XPO5: variants seen among roughly 807,000 people sequenced by gnomAD.
The protein encoded by XPO5 is exportin-5.
A neutral mutation model predicts 160.6 loss-of-function variants in XPO5; 46 were observed. That is an observed-to-expected ratio of 0.29 (90% CI 0.23 to 0.37). XPO5 has a LOEUF of 0.37. XPO5 is among the 10% of genes least tolerant of loss of function. The probability of loss-of-function intolerance (pLI) is 1.00; values close to 1 mark genes in which losing one functional copy is unlikely to be tolerated. For missense variants in XPO5, 1,090 were observed against 1,463.9 expected (o/e 0.74, Z 4.17); for synonymous variants, 537 against 519.3 (o/e 1.03, Z -0.46).
Position 43,533,958 on chromosome 6 carries a change from G to A in XPO5, c.2392C>T (p.Pro798Ser). The change falls in exon 21 of 32, where the codon CCT becomes TCT. Residue 798 changes from proline to serine, a missense_variant. By Grantham distance (74) the Pro-to-Ser change is moderately conservative. This residue lies in a region of XPO5 where 810 missense variants were observed against 1,139.0 expected (regional missense o/e 0.71). Transcript: ENST00000265351. ...APEMLAKMAE[P>S]FTKALDMLDA... ...AGCATATCCAGAGCCTTGGTGAAAG[G>A]CTCTGCCATTTTGGCTAGCATTTCT... The A allele has an allele frequency of 5.6e-6, 9 of 1,607,384 alleles. No homozygotes were observed. Among genetic ancestry groups the A allele is most frequent in the Non-Finnish European group, 7.7e-6 (9 of 1,175,908 alleles).
Position 43,560,268 on chromosome 6 carries a change from G to C in XPO5, c.1131C>G (p.Ala377=), listed in dbSNP as rs1762349190. The change falls in exon 11 of 32, where the codon GCC becomes GCG. Residue 377 remains alanine (A), a synonymous_variant. Coordinates refer to ENST00000265351, the MANE Select transcript of XPO5 (RefSeq NM_020750.3). ...GGGACAGGATTTCATGCCTGAAGAG[G>C]GCTCCCCAAGTCATCTGAGTTGAAG... ...LRSSTQMTWG[A]LFRHEILSRD... 6.2e-7 allele frequency: 1 copy of C among 1,611,670 alleles called. No individual in the cohort carries two copies. Among genetic ancestry groups the C allele is most frequent in the Non-Finnish European group, 8.5e-7 (1 of 1,178,940 alleles).
chr6:43,531,333 T>C (rs1018002615), intron 22 of XPO5, 146 bp downstream of exon 22: 17 of 723,112 alleles, frequency 2.4e-5, no homozygotes, highest in Non-Finnish European at 3.6e-5. Flanking sequence ...CAGGCTTTCA[T>C]TTCTATTTAA....
chr6:43,556,092 T>C, intron 12 of XPO5, 128 bp from the exon 13 acceptor site: 1 of 1,257,062 alleles, frequency 8.0e-7, no homozygotes, highest in Non-Finnish European at 1.1e-6. Flanking sequence ...ACTTGTGCTT[T>C]GCATGTAATA....
chr6:43,560,897 T>C, intron 10 of XPO5, 27 bp downstream of exon 10: 2 of 1,588,972 alleles, frequency 1.3e-6, no homozygotes, highest in South Asian at 2.2e-5. Context: ...AACTAAACTT[T>C]TGAGAAGTTA....
intron 17 of XPO5, among the ~76,000 whole-genome samples, chr6:43,548,699 G>A (rs532546276): frequency 6.6e-6 from 1 of 151,596 alleles, no homozygotes; most frequent in East Asian, 1.9e-4. Context: ...TACTACAACT[G>A]TGAAAAGATC....
intron 5 of XPO5, among the ~76,000 whole-genome samples, chr6:43,569,306 CAACA>C (rs754383491): frequency 6.0e-5 from 6 of 99,494 alleles, no homozygotes; most frequent in East Asian, 5.5e-4. Context: ...AAAAAAAAAA[CAACA>C]AAAAAAAATA....
In XPO5 at chr6:43,553,510, AACACACAC is replaced by A. The variant is rs749301680; in HGVS notation, c.1442-15_1442-8del. On this transcript the variant is annotated splice_polypyrimidine_tract_variant and splice_region_variant and intron_variant, in intron 13 of 31. Coordinates refer to ENST00000265351, the MANE Select transcript of XPO5 (RefSeq NM_020750.3). The stretch of plus-strand genomic sequence containing the variant: ...GTTCCAACTGCAGAACAAGCTTTAA[AACACACAC>A]ACACACATACACACACACACACACA... 33 of 1,503,446 alleles carry A rather than the reference AACACACAC, an allele frequency of 2.2e-5. No homozygotes were observed. Among genetic ancestry groups the A allele is most frequent in the Non-Finnish European group, 2.7e-5 (30 of 1,119,698 alleles). The allele number at this position is 1,503,446 out of a possible 1,614,324, so 93.1% of individuals were successfully genotyped here.
At chr6:43,541,342 C>T (rs1215168774) in intron 20 of XPO5, among the ~76,000 whole-genome samples, 1 of 152,148 alleles carries the variant, frequency 6.6e-6, no homozygotes, top group African/African-American at 2.4e-5. Flanking sequence ...TATTATTATG[C>T]ATTGCATGCC....
At position 43,551,436 on chromosome 6, in the gene XPO5, A is replaced by G; in HGVS notation, c.1590T>C (p.Asp530=). Residue 530 remains aspartate, a synonymous_variant, in exon 15 of 32, where the codon GAT becomes GAC. Coordinates refer to ENST00000265351, the MANE Select transcript of XPO5 (RefSeq NM_020750.3). ...GAACCATCTGCAATAGCTCTATTCC[A>G]TCATTAACAGGAATTTCCTGTAACA... ...TLNREEIPVN[D]GIELLQMVLN... The G allele has an allele frequency of 2.5e-6, 4 of 1,613,154 alleles. No individual in the cohort carries two copies. The highest frequency in any genetic ancestry group is 3.4e-6 in the Non-Finnish European group (4 of 1,179,682).
chr6:43,571,728 A>T (rs1250638744), intron 3 of XPO5, among the ~76,000 whole-genome samples: 3 of 152,092 alleles, frequency 2.0e-5, no homozygotes, highest in Non-Finnish European at 4.4e-5. Flanking sequence ...AGATCACTTG[A>T]GCCCAGGAGT....
chr6:43,568,234 G>A (rs1371214000), intron 6 of XPO5, among the ~76,000 whole-genome samples: 1 of 152,128 alleles, frequency 6.6e-6, no homozygotes. Flanking sequence ...GTGAACCCAG[G>A]AGGCAGAGCT....
At position 43,572,499 on chromosome 6, in the gene XPO5, TC is replaced by T. The variant is rs1226432165; in HGVS notation, c.300+6del. 6.2e-7 allele frequency: 1 copy of T among 1,613,816 alleles called. No individual in the cohort carries two copies. Among genetic ancestry groups the T allele is most frequent in the East Asian group, 2.2e-5 (1 of 44,884 alleles). ...GGAAACATGTCTCCCAACCACCCAT[TC>T]CTTACATTTGCAATCAGCTCCATGA... is the stretch of plus-strand genomic sequence containing the variant. On this transcript the variant is annotated splice_donor_region_variant and intron_variant, in intron 3 of 31. Transcript: ENST00000265351.
At position 43,560,938 on chromosome 6, in the gene XPO5, T is replaced by C. The variant is rs766846709; in HGVS notation, c.1081A>G (p.Thr361Ala). Reference protein sequence around the residue: ...KYLESFLAFTTHPSQFLRSST... With the variant: ...KYLESFLAFTAHPSQFLRSST... ...ATAAAGTTTACCTGACTTGGATGGG[T>C]TGTGAAAGCAAGAAAAGATTCCAGG... The change falls in exon 10 of 32, where the codon ACC (threonine) becomes GCC (alanine). Residue 361 changes from threonine (T) to alanine (A), a missense_variant. This residue lies in a region of XPO5 where 810 missense variants were observed against 1,139.0 expected (regional missense o/e 0.71). Coordinates refer to ENST00000265351, the MANE Select transcript of XPO5 (RefSeq NM_020750.3). 9 of 1,613,734 alleles carry C rather than the reference T, an allele frequency of 5.6e-6. No individual in the cohort carries two copies. The highest frequency in any genetic ancestry group is 4.5e-5 in the East Asian group (2 of 44,880).
In XPO5 at chr6:43,529,007, A is replaced by G; in HGVS notation, c.2678-82T>C. Reference sequence around the variant, plus strand: ...GTGGTGGGTTGCACCCCTGGGCAGAATCAATCCCTAAAGGATTTGCCAGAT... The same window carrying G: ...GTGGTGGGTTGCACCCCTGGGCAGAGTCAATCCCTAAAGGATTTGCCAGAT... On this transcript the variant is annotated intron_variant, in intron 23 of 31. Coordinates refer to ENST00000265351, the MANE Select transcript of XPO5 (RefSeq NM_020750.3). The G allele has an allele frequency of 6.1e-6, 8 of 1,317,322 alleles. No individual in the cohort carries two copies. In the South Asian group the frequency reaches 8.2e-5, roughly 13 times the overall value. 81.6% of individuals were successfully genotyped at this position (1,317,322 alleles called of 1,614,324 possible). A position where few individuals can be genotyped will look rare whatever the true frequency, so the allele number is the denominator to read the frequency against.
chr6:43,531,868 CTG>C (rs1487373221), intron 21 of XPO5, among the ~76,000 whole-genome samples: 1 of 152,088 alleles, frequency 6.6e-6, no homozygotes, highest in African/African-American at 2.4e-5. Context: ...CCATAAAGCT[CTG>C]GGGATGCTCC....
chr6:43,565,668 G>T lies in XPO5; in HGVS notation c.903C>A (p.Ser301=), dbSNP rs118012171. The change falls in exon 8 of 32, where the codon TCC becomes TCA. Residue 301 remains serine (S), a synonymous_variant. Coordinates refer to ENST00000265351, the MANE Select transcript of XPO5 (RefSeq NM_020750.3). ...FGDVAMHYIL[S]AAQTADGGGL... ...AAAGTAAAGATACTCACTGTGCGGC[G>T]GAGAGTATATAATGCATGGCAACAT... 2.5e-6 allele frequency: 4 copies of T among 1,606,036 alleles called. No homozygotes were observed. Among genetic ancestry groups the T allele is most frequent in the East Asian group, 2.2e-5 (1 of 44,718 alleles).
rs1793935955 is a variant in XPO5, at chr6:43,530,951, T to C, written c.2541-127A>G. ...CAGCCAGAAGAGCAGTTGTATTTAC[T>C]TAAGAGAACTTATAGATACAGCATC... On this transcript the variant is annotated intron_variant, in intron 22 of 31. Coordinates refer to ENST00000265351, the MANE Select transcript of XPO5 (RefSeq NM_020750.3). The C allele has an allele frequency of 7.5e-6, 9 of 1,206,870 alleles. No homozygotes were observed. The South Asian group carries it at 1.5e-4, about 20-fold the overall frequency. The allele number at this position is 1,206,870 out of a possible 1,614,324, so 74.8% of individuals were successfully genotyped here.
chr6:43,543,042 A>G (rs1794782055), intron 20 of XPO5, among the ~76,000 whole-genome samples: 1 of 152,352 alleles, frequency 6.6e-6, no homozygotes, highest in South Asian at 2.1e-4. Flanking sequence ...AAAAAACACA[A>G]GTACATTCAT....
chr6:43,537,301 A>G (rs554132514), intron 20 of XPO5, among the ~76,000 whole-genome samples: 4 of 152,268 alleles, frequency 2.6e-5, no homozygotes, highest in East Asian at 3.9e-4. Context: ...TACTTCTGTC[A>G]TAGATCAACC....
Sources: allele counts gnomAD v4.1 joint callset (sites outside exome capture counted in the v4.1 genomes callset), GRCh38; gene constraint gnomAD v4.1.1; regional missense constraint gnomAD v4.1.1; transcripts MANE v1.5; gene names NCBI Gene and HGNC (gene_info 2026-07-23, HGNC 2026-07-21).